The following GRIK4 variants were observed in gnomAD, a reference collection of about 807,000 sequenced individuals.
The protein encoded by GRIK4 is glutamate receptor ionotropic, kainate 4.
A neutral mutation model predicts 104.9 loss-of-function variants in GRIK4; 40 were observed. That is an observed-to-expected ratio of 0.38 (90% CI 0.30 to 0.50). GRIK4 has a LOEUF of 0.50. Among genes scored for constraint, GRIK4 ranks in the 20% least tolerant of loss-of-function variants. The pLI is 0.93. For synonymous variants in GRIK4, 485 were observed against 524.9 expected (o/e 0.92, Z 1.04); for missense variants, 1,047 against 1,308.1 (o/e 0.80, Z 3.08).
intron 1 of GRIK4, among the ~76,000 whole-genome samples, chr11:120,536,789 A>G (rs1947981833): frequency 6.6e-6 from 1 of 152,212 alleles, no homozygotes; most frequent in African/African-American, 2.4e-5. Flanking sequence ...ACAAGATGGA[A>G]TTAACCACCA....
At position 120,901,075 on chromosome 11, in the gene GRIK4, G is replaced by A. The variant is rs185430522; in HGVS notation, c.1272+2436G>A. ...CCCCTCTACTTCTTTCTCTGGAGCC[G>A]CTCCATACTCTGCTGGCAGGCTCCC... On this transcript the variant is annotated intron_variant, in intron 12 of 20. Transcript: ENST00000527524. Among the ~76,000 whole-genome samples the A allele has an allele frequency of 6.0e-4, 92 of 152,230 alleles. 1 individual carries two copies. In the South Asian group the frequency reaches 8.9e-3, roughly 15 times the overall value.
intron 3 of GRIK4, among the ~76,000 whole-genome samples, chr11:120,770,138 G>A (rs1363937722): frequency 6.6e-6 from 1 of 152,110 alleles, no homozygotes; most frequent in African/African-American, 2.4e-5. Flanking sequence ...TACTAGCTTT[G>A]CAGTCCCCAT....
intron 3 of GRIK4, among the ~76,000 whole-genome samples, chr11:120,700,913 T>C (rs1950542237): frequency 6.6e-6 from 1 of 152,176 alleles, no homozygotes; most frequent in Non-Finnish European, 1.5e-5. Flanking sequence ...ATTTTTACTG[T>C]ACCTTTTCTA....
chr11:120,803,718 A>G (rs766586849), intron 4 of GRIK4, among the ~76,000 whole-genome samples: 41 of 152,204 alleles, frequency 2.7e-4, no homozygotes, highest in Non-Finnish European at 4.3e-4. Context: ...GATTACAGGC[A>G]TGAGCCACTG....
intron 13 of GRIK4, among the ~76,000 whole-genome samples, chr11:120,917,483 A>G (rs1943136815): frequency 6.6e-6 from 1 of 152,134 alleles, no homozygotes; most frequent in African/African-American, 2.4e-5. Context: ...ATGTAAGATA[A>G]TAAAGTGTAG....
chr11:120,744,172 CA>C (rs2135413227), intron 3 of GRIK4, among the ~76,000 whole-genome samples: 1 of 152,260 alleles, frequency 6.6e-6, no homozygotes, highest in South Asian at 2.1e-4. Context: ...ACAAGCTGCC[CA>C]GGGGGAATGG....
intron 13 of GRIK4, chr11:120,936,229 A>C (rs964207035): frequency 2.3e-6 from 1 of 434,796 alleles, no homozygotes; most frequent in South Asian, 1.8e-5. Context: ...CCCTCTTTTC[A>C]TATGGCCGCT....
At chr11:120,901,184 T>G (rs1445571967) in intron 12 of GRIK4, among the ~76,000 whole-genome samples, 2 of 152,056 alleles carry the variant, frequency 1.3e-5, no homozygotes, top group African/African-American at 4.8e-5. Context: ...TTCCTTACAA[T>G]CCTTCAGCCA....
intron 3 of GRIK4, among the ~76,000 whole-genome samples, chr11:120,708,437 G>T (rs1357427960): frequency 6.6e-6 from 1 of 152,116 alleles, no homozygotes; most frequent in Non-Finnish European, 1.5e-5. Context: ...ATCAGAGAGA[G>T]ACCAGAAATA....
chr11:120,819,796 C>G lies in GRIK4; in HGVS notation c.387C>G (p.Phe129Leu). Residue 129 changes from phenylalanine (F) to leucine (L), a missense_variant, in exon 6 of 21, where the codon TTC (phenylalanine) becomes TTG (leucine). Physicochemically the swap from Phe to Leu is conservative, Grantham distance 22. Around this residue, in one of 3 missense-constraint regions of GRIK4, gnomAD observed 447 missense variants for 514.9 expected, o/e 0.87. Coordinates refer to ENST00000527524, the MANE Select transcript of GRIK4 (RefSeq NM_014619.5). The surrounding 1 kb of genome is among the most constrained non-coding windows in gnomAD (Gnocchi z 4.3). ...TGGCCCCAGAGGAGTTCGTCAAGTTCCAGTTCCAGAGATTCACAACCCTGA... is the reference window on the plus strand; with the variant it reads ...TGGCCCCAGAGGAGTTCGTCAAGTTGCAGTTCCAGAGATTCACAACCCTGA... ...FKVAPEEFVK[F>L]QFQRFTTLNL... 6.2e-7 allele frequency: 1 copy of G among 1,614,158 alleles called. No individual in the cohort carries two copies. Among genetic ancestry groups the G allele is most frequent in the Non-Finnish European group, 8.5e-7 (1 of 1,180,000 alleles).
At chr11:120,754,474 TTTTA>T (rs1348890107) in intron 3 of GRIK4, among the ~76,000 whole-genome samples, 14 of 152,352 alleles carry the variant, frequency 9.2e-5, no homozygotes, top group African/African-American at 3.1e-4. Flanking sequence ...CTCTACCACA[TTTTA>T]TTTGTTAATC....
chr11:120,662,589 G>GAGC (rs1195035369), intron 3 of GRIK4, among the ~76,000 whole-genome samples: 1 of 152,126 alleles, frequency 6.6e-6, no homozygotes, highest in African/African-American at 2.4e-5. Flanking sequence ...TAGCTGTGCT[G>GAGC]AGCAGCAGGC....
chr11:120,884,972 G>A lies in GRIK4; in HGVS notation c.1164+9729G>A, dbSNP rs934557412. Among the ~76,000 whole-genome samples, 6 of 152,340 alleles carry A rather than the reference G, an allele frequency of 3.9e-5. 1 individual carries two copies. The South Asian group carries it at 6.2e-4, about 16-fold the overall frequency. On this transcript the variant is annotated intron_variant, in intron 11 of 20. Transcript: ENST00000527524. ...GCAAGTAACCGGCTTCCTTCCACCC[G>A]GGTGCTTCATTAAAACCGTGAGTTC...
At chr11:120,981,581 G>A (rs1218612079) in intron 19 of GRIK4, among the ~76,000 whole-genome samples, 7 of 152,130 alleles carry the variant, frequency 4.6e-5, no homozygotes, top group African/African-American at 7.2e-5. Flanking sequence ...CTCGTTTGGT[G>A]GGATAAAAAG....
At chr11:120,855,981 G>A (rs970618960) in intron 8 of GRIK4, among the ~76,000 whole-genome samples, 3 of 152,252 alleles carry the variant, frequency 2.0e-5, no homozygotes, top group African/African-American at 7.2e-5. Context: ...CTTTCCTTTT[G>A]GCAGGGCCCA....
At chr11:120,619,128 C>A (rs1020439502) in intron 1 of GRIK4, among the ~76,000 whole-genome samples, 2 of 152,206 alleles carry the variant, frequency 1.3e-5, no homozygotes, top group African/African-American at 2.4e-5. Flanking sequence ...TGCTTAAGGC[C>A]TTGGGAGCCC....
At chr11:120,778,169 G>C (rs146735614) in intron 3 of GRIK4, among the ~76,000 whole-genome samples, 396 of 152,224 alleles carry the variant, frequency 2.6e-3, no homozygotes, top group African/African-American at 8.8e-3. Context: ...TAAGTTCCTC[G>C]AAGGCAGGGA....
chr11:120,544,361 T>C (rs1948065233), intron 1 of GRIK4, among the ~76,000 whole-genome samples: 1 of 152,112 alleles, frequency 6.6e-6, no homozygotes, highest in Middle Eastern at 3.2e-3. Context: ...GATGGAGTCT[T>C]GCTCTGTCAC....
chr11:120,896,238 G>C (rs1942577328), intron 11 of GRIK4, among the ~76,000 whole-genome samples: 1 of 152,224 alleles, frequency 6.6e-6, no homozygotes, highest in Non-Finnish European at 1.5e-5. Context: ...AGATTCATCT[G>C]GGCTTAAGAG....
Sources: allele counts gnomAD v4.1 joint callset (sites outside exome capture counted in the v4.1 genomes callset), GRCh38; gene constraint gnomAD v4.1.1; regional missense constraint gnomAD v4.1.1; non-coding constraint Gnocchi (gnomAD v3.1); transcripts MANE v1.5; gene names NCBI Gene and HGNC (gene_info 2026-07-23, HGNC 2026-07-21).